FRMD6: variants seen among roughly 807,000 people sequenced by gnomAD.
FRMD6 encodes FERM domain-containing protein 6.
Under a neutral mutation model 73.2 loss-of-function variants are expected in FRMD6, and 37 were observed. The observed-to-expected ratio is 0.51, with a 90% CI of 0.39 to 0.66. FRMD6 has a LOEUF of 0.66. Among genes scored for constraint, FRMD6 ranks in the 30% least tolerant of loss-of-function variants. FRMD6 has a pLI of 0.00. For synonymous variants in FRMD6, 273 were observed against 282.2 expected (o/e 0.97, Z 0.33); for missense variants, 714 against 780.5 (o/e 0.91, Z 1.02).
chr14:51,468,865 T>C, the FRMD6 span, among the ~76,000 whole-genome samples: 2 of 152,244 alleles, frequency 1.3e-5, no homozygotes, highest in Non-Finnish European at 2.9e-5. Context: ...TCTACATCTA[T>C]TGAAACAGTC....
chr14:51,654,973 T>G (rs1026238592), intron 1 of FRMD6, among the ~76,000 whole-genome samples: 69 of 152,242 alleles, frequency 4.5e-4, no homozygotes, highest in Non-Finnish European at 8.7e-4. Flanking sequence ...GGTATTCAGT[T>G]TGTGTATCCT....
chr14:51,572,483 A>T (rs1310784820), intron 2 of FRMD6, among the ~76,000 whole-genome samples: 1 of 152,246 alleles, frequency 6.6e-6, no homozygotes, highest in East Asian at 1.9e-4. Flanking sequence ...GTACAGTTGC[A>T]TCTATGACAT....
intron 7 of FRMD6, among the ~76,000 whole-genome samples, chr14:51,709,170 A>G (rs557112719): frequency 6.6e-6 from 1 of 152,294 alleles, no homozygotes; most frequent in South Asian, 2.1e-4. Flanking sequence ...GGTTAAGAGC[A>G]CTGTAAGTTG....
At chr14:51,413,962 G>A in the FRMD6 span, among the ~76,000 whole-genome samples, 1 of 152,128 alleles carries the variant, frequency 6.6e-6, no homozygotes, top group African/African-American at 2.4e-5. Flanking sequence ...GTCTTCTTTT[G>A]AGAAGTGTCT....
At chr14:51,396,727 C>T in the FRMD6 span, among the ~76,000 whole-genome samples, 1 of 152,160 alleles carries the variant, frequency 6.6e-6, no homozygotes, top group Non-Finnish European at 1.5e-5. Flanking sequence ...TTAGGTGAGT[C>T]ATTAGAATCT....
chr14:51,686,475 A>C (rs149422770), intron 1 of FRMD6, among the ~76,000 whole-genome samples: 5 of 152,316 alleles, frequency 3.3e-5, no homozygotes, highest in African/African-American at 1.2e-4. Context: ...ATTGGGACTT[A>C]TCAGGAAATA....
chr14:51,493,118 T>A, intron 1 of FRMD6, among the ~76,000 whole-genome samples: 1 of 152,214 alleles, frequency 6.6e-6, no homozygotes, highest in East Asian at 1.9e-4. Context: ...CCTCCTCATC[T>A]CAAAGACAGC....
chr14:51,426,386 C>T, the FRMD6 span, among the ~76,000 whole-genome samples: 1 of 152,062 alleles, frequency 6.6e-6, no homozygotes, highest in South Asian at 2.1e-4. Context: ...GCCCCACTCC[C>T]CACTAGAATT....
intron 1 of FRMD6, among the ~76,000 whole-genome samples, chr14:51,654,052 A>AT (rs1892634600): frequency 6.6e-6 from 1 of 152,120 alleles, no homozygotes; most frequent in South Asian, 2.1e-4. Flanking sequence ...TACTCAAGAC[A>AT]TTTTAAGGGG....
At chr14:51,640,844 T>A (rs1191151350) in intron 2 of FRMD6, among the ~76,000 whole-genome samples, 2 of 152,226 alleles carry the variant, frequency 1.3e-5, no homozygotes, top group Non-Finnish European at 2.9e-5. Context: ...ATTAAATATA[T>A]TTCTACTAAA....
At chr14:51,705,648 A>G (rs547678920) in intron 6 of FRMD6, among the ~76,000 whole-genome samples, 108 of 152,252 alleles carry the variant, frequency 7.1e-4, no homozygotes, top group African/African-American at 2.4e-3. Flanking sequence ...TCAGTAAAGC[A>G]TCTTGAAGAG....
intron 12 of FRMD6, among the ~76,000 whole-genome samples, chr14:51,722,777 T>C (rs953326407): frequency 6.6e-5 from 10 of 152,262 alleles, no homozygotes; most frequent in Admixed American, 5.9e-4. Context: ...GTCTGTTCTT[T>C]AGAGAAATAT....
At chr14:51,417,727 A>C in the FRMD6 span, among the ~76,000 whole-genome samples, 10 of 152,154 alleles carry the variant, frequency 6.6e-5, no homozygotes, top group African/African-American at 2.4e-4. Flanking sequence ...GTTCTCCTGG[A>C]TAACATCCTG....
At chr14:51,680,374 A>G (rs923144098) in intron 1 of FRMD6, among the ~76,000 whole-genome samples, 23 of 152,180 alleles carry the variant, frequency 1.5e-4, no homozygotes, top group African/African-American at 4.8e-4. Context: ...CAAATCCCAC[A>G]GCCTTCATTT....
At chr14:51,716,376 TGTA>T (rs980698118) in intron 10 of FRMD6, among the ~76,000 whole-genome samples, 118 of 152,308 alleles carry the variant, frequency 7.7e-4, no homozygotes, top group African/African-American at 2.6e-3. Flanking sequence ...AAATTCATGT[TGTA>T]GTAATATCTA....
At chr14:51,483,298 A>G in the FRMD6 span, among the ~76,000 whole-genome samples, 1 of 152,238 alleles carries the variant, frequency 6.6e-6, no homozygotes, top group Non-Finnish European at 1.5e-5. Flanking sequence ...AAATGATGCA[A>G]GTACTTACAT....
At chr14:51,724,634 A>AT (rs1188092692) in intron 12 of FRMD6, among the ~76,000 whole-genome samples, 1 of 152,174 alleles carries the variant, frequency 6.6e-6, no homozygotes, top group Non-Finnish European at 1.5e-5. Context: ...CTGAGTCATT[A>AT]TGAGATGTTT....
At chr14:51,485,299 C>G (rs1235014021), upstream of FRMD6, among the ~76,000 whole-genome samples, 1 of 152,174 alleles carries the variant, frequency 6.6e-6, no homozygotes, top group African/African-American at 2.4e-5. Flanking sequence ...TTCCCTGTCT[C>G]TCTGTGTTTC....
intron 1 of FRMD6, among the ~76,000 whole-genome samples, chr14:51,680,980 A>T (rs1400706617): frequency 2.0e-5 from 3 of 152,214 alleles, no homozygotes; most frequent in Non-Finnish European, 4.4e-5. Flanking sequence ...AAAAAGCCAA[A>T]TTGGTTGCAG....
Sources: allele counts gnomAD v4.1 joint callset (sites outside exome capture counted in the v4.1 genomes callset), GRCh38; gene constraint gnomAD v4.1.1; transcripts MANE v1.5; gene names NCBI Gene and HGNC (gene_info 2026-07-23, HGNC 2026-07-21).